Variants in AKAIN1 observed in about 807,000 individuals in gnomAD.
The protein encoded by AKAIN1 is A-kinase anchor protein inhibitor 1.
In AKAIN1, 3 loss-of-function variants were observed where a neutral mutation model predicts 3.7. The ratio of observed to expected loss-of-function variants is 0.82; its 90% CI spans 0.37 to 2.12. The LOEUF (loss-of-function observed/expected upper bound fraction) is 2.12, where lower values mean the gene tolerates loss of function less well. AKAIN1 is among the 30% of genes most tolerant of loss of function. AKAIN1 has a pLI of 0.06. For synonymous variants in AKAIN1, 31 were observed against 30.8 expected, an observed-to-expected ratio of 1.01 and a Z score of -0.02; for missense variants, 82 against 82.7, an observed-to-expected ratio of 0.99 and a Z score of 0.03.
At chr18:5,181,228 G>A (rs992293133) in intron 1 of AKAIN1, among the ~76,000 whole-genome samples, 1 of 152,122 alleles carries the variant, frequency 6.6e-6, no homozygotes, top group Non-Finnish European at 1.5e-5. Context: ...GGAGGTTGAG[G>A]CTACAGTGAG....
intron 1 of AKAIN1, among the ~76,000 whole-genome samples, chr18:5,196,707 T>C (rs914121687): frequency 6.6e-6 from 1 of 152,104 alleles, no homozygotes; most frequent in East Asian, 1.9e-4. Context: ...ACCTCTCCAC[T>C]CTCTTGCCCG....
chr18:5,185,639 C>T (rs541094265), intron 1 of AKAIN1, among the ~76,000 whole-genome samples: 18 of 152,104 alleles, frequency 1.2e-4, no homozygotes, highest in East Asian at 1.9e-4. Context: ...ATTAAAACAA[C>T]GAGGTACCAT....
rs915601349 is a variant in AKAIN1 at position 5,187,513 on chromosome 18, C to T, written c.16+9525G>A. On this transcript the variant is annotated intron_variant, in intron 1 of 1. Transcript: ENST00000434239. ...GGTGGGAAGGTGGAAGGCAGAAGCA[C>T]ATATATGAAACAGAGAGAAATGGAG... Among the ~76,000 whole-genome samples, 4 of 152,144 alleles carry T rather than the reference C, an allele frequency of 2.6e-5. No homozygotes were observed. The East Asian group carries it at 7.7e-4, about 29-fold the overall frequency.
intron 1 of AKAIN1, among the ~76,000 whole-genome samples, chr18:5,158,158 C>T (rs192541261): frequency 4.1e-4 from 63 of 152,238 alleles, no homozygotes; most frequent in Middle Eastern, 3.4e-3. Flanking sequence ...TCCCGTGTGC[C>T]CAGTGCACAA....
Position 5,197,169 on chromosome 18 carries a change from G to C in AKAIN1, c.-116C>G. The C allele has an allele frequency of 6.6e-7, 1 of 1,514,828 alleles. No homozygotes were observed. The allele number at this position is 1,514,828 out of a possible 1,614,324, so 93.8% of individuals were successfully genotyped here. A position where few individuals can be genotyped will look rare whatever the true frequency, so the allele number is the denominator to read the frequency against. On this transcript the variant is annotated 5_prime_UTR_variant, in exon 1 of 2. Transcript: ENST00000434239. This position sits in a 1 kb window ranked among gnomAD's most constrained non-coding sequence, Gnocchi z 6.9. ...CAGGAGGGCGCGCTGGGCGGGCGGC[G>C]GGCGGGGCGGTCAGCACCCCGGACA...
chr18:5,151,697 G>C (rs1400286138), intron 1 of AKAIN1, among the ~76,000 whole-genome samples: 1 of 152,140 alleles, frequency 6.6e-6, no homozygotes, highest in Non-Finnish European at 1.5e-5. Context: ...ACAATGGCCA[G>C]TCACATTATG....
chr18:5,189,293 G>A (rs546180702), intron 1 of AKAIN1, among the ~76,000 whole-genome samples: 1 of 152,266 alleles, frequency 6.6e-6, no homozygotes, highest in Admixed American at 6.5e-5. Flanking sequence ...TTTATGAATA[G>A]CACCTGGCAT....
chr18:5,151,414 C>T (rs1026700727), intron 1 of AKAIN1, among the ~76,000 whole-genome samples: 5 of 152,186 alleles, frequency 3.3e-5, no homozygotes, highest in African/African-American at 4.8e-5. Flanking sequence ...CCCTGCTTTG[C>T]TACCAAGCAA....
At chr18:5,176,498 A>G (rs2071227559) in intron 1 of AKAIN1, among the ~76,000 whole-genome samples, 1 of 152,112 alleles carries the variant, frequency 6.6e-6, no homozygotes, top group Admixed American at 6.6e-5. Flanking sequence ...CAGAACTTCA[A>G]TTGAAAAAGT....
intron 1 of AKAIN1, among the ~76,000 whole-genome samples, chr18:5,196,087 A>G (rs1009151107): frequency 1.3e-5 from 2 of 152,222 alleles, no homozygotes; most frequent in African/African-American, 2.4e-5. Context: ...CACAGCAAAT[A>G]CATGCCAATC....
chr18:5,147,948 C>T lies in AKAIN1; in HGVS notation c.17-2193G>A, dbSNP rs556910014. On this transcript the variant is annotated intron_variant, in intron 1 of 1. Transcript: ENST00000434239. Reference sequence around the variant, plus strand: ...GTGTTTTGAATCACTTCAGAGATTTCAAGTCCTTTGTGCCACTTGCATTCA... The same window carrying T: ...GTGTTTTGAATCACTTCAGAGATTTTAAGTCCTTTGTGCCACTTGCATTCA... Among the ~76,000 whole-genome samples the T allele has an allele frequency of 1.6e-3, 238 of 152,336 alleles. 1 individual carries two copies. The highest frequency in any genetic ancestry group is 2.7e-3 in the Non-Finnish European group (184 of 68,022).
At chr18:5,176,876 C>G (rs974614220) in intron 1 of AKAIN1, among the ~76,000 whole-genome samples, 2 of 151,628 alleles carry the variant, frequency 1.3e-5, no homozygotes, top group East Asian at 3.9e-4. Flanking sequence ...CTAAGAAAAA[C>G]TAATTCCCTT....
chr18:5,193,678 A>T (rs2071333736), intron 1 of AKAIN1, among the ~76,000 whole-genome samples: 1 of 152,134 alleles, frequency 6.6e-6, no homozygotes, highest in African/African-American at 2.4e-5. Context: ...CTTTAATACC[A>T]ATGGTCAGTG....
At position 5,165,420 on chromosome 18, in the gene AKAIN1, C is replaced by T. The variant is rs186971504; in HGVS notation, c.17-19665G>A. Reference sequence around the variant, plus strand: ...GCAATGGCAACATCTCCTTGCCACACTCATCTCCTCCTTGTAATTATAATA... The same window carrying T: ...GCAATGGCAACATCTCCTTGCCACATTCATCTCCTCCTTGTAATTATAATA... On this transcript the variant is annotated intron_variant, in intron 1 of 1. Transcript: ENST00000434239. 9.4e-4 allele frequency among the ~76,000 whole-genome samples: 143 copies of T among 152,068 alleles called. 3 individuals carry two copies. In the East Asian group the frequency reaches 0.021, roughly 22 times the overall value.
At chr18:5,187,160 A>G (rs1235153528) in intron 1 of AKAIN1, among the ~76,000 whole-genome samples, 1 of 152,152 alleles carries the variant, frequency 6.6e-6, no homozygotes, top group Non-Finnish European at 1.5e-5. Context: ...AGTCAAAGCA[A>G]GAAGAAAAAA....
intron 1 of AKAIN1, among the ~76,000 whole-genome samples, chr18:5,147,647 A>G (rs555130349): frequency 6.6e-6 from 1 of 152,344 alleles, no homozygotes; most frequent in Admixed American, 6.5e-5. Flanking sequence ...ATTCTAGAAG[A>G]TCAGACAGTT....
intron 1 of AKAIN1, among the ~76,000 whole-genome samples, chr18:5,151,993 A>G (rs757465686): frequency 1.1e-4 from 16 of 152,200 alleles, no homozygotes; most frequent in Non-Finnish European, 2.1e-4. Context: ...TACAATCTAG[A>G]AGAGTCAGAT....
intron 1 of AKAIN1, among the ~76,000 whole-genome samples, chr18:5,177,685 T>A (rs2071234064): frequency 6.6e-6 from 1 of 152,152 alleles, no homozygotes; most frequent in Admixed American, 6.6e-5. Flanking sequence ...AAAAATGCTG[T>A]TTTTATTTCC....
intron 1 of AKAIN1, among the ~76,000 whole-genome samples, chr18:5,193,177 C>A (rs531837234): frequency 6.6e-6 from 1 of 152,028 alleles, no homozygotes; most frequent in Admixed American, 6.6e-5. Context: ...AATATTGGTG[C>A]GAAATATTTT....
Sources: gnomAD v4.1 joint callset for allele counts (sites outside exome capture counted in the v4.1 genomes callset) on GRCh38, gnomAD v4.1.1 for gene constraint, Gnocchi (gnomAD v3.1) non-coding constraint, MANE v1.5 for transcripts, NCBI Gene and HGNC (gene_info 2026-07-23, HGNC 2026-07-21) for gene names.